Variants in RARB observed in about 807,000 individuals in gnomAD.
RARB encodes the protein retinoic acid receptor beta, also known as HBV-activated protein.
In RARB, 17 loss-of-function variants were observed where a neutral mutation model predicts 51.9. The ratio of observed to expected loss-of-function variants is 0.33; its 90% confidence interval spans 0.22 to 0.49. RARB has a LOEUF of 0.49. RARB is among the 20% of genes least tolerant of loss of function. RARB has a pLI of 0.99. For missense variants in RARB, 369 were observed against 550.8 expected (o/e 0.67, Z 3.30); for synonymous variants, 215 against 195.4 (o/e 1.10, Z -0.84).
At chr3:25,319,449 T>C (rs1704509008) in intron 5 of RARB, among the ~76,000 whole-genome samples, 1 of 152,204 alleles carries the variant, frequency 6.6e-6, no homozygotes. Flanking sequence ...AGCTGCATTA[T>C]GGGTAAGACT....
chr3:25,228,597 C>T (rs1372201264), intron 5 of RARB, among the ~76,000 whole-genome samples: 1 of 151,734 alleles, frequency 6.6e-6, no homozygotes, highest in Non-Finnish European at 1.5e-5. Context: ...TGTCTGTAGT[C>T]CTTTTTATTT....
At chr3:25,443,483 G>T (rs926289047) in intron 1 of RARB, among the ~76,000 whole-genome samples, 2 of 151,562 alleles carry the variant, frequency 1.3e-5, no homozygotes, top group Non-Finnish European at 2.9e-5. Flanking sequence ...AAGCTAAAGC[G>T]CGCCGGTAAT....
intron 5 of RARB, among the ~76,000 whole-genome samples, chr3:25,202,821 C>A (rs1187903979): frequency 1.3e-5 from 2 of 152,164 alleles, no homozygotes; most frequent in Non-Finnish European, 2.9e-5. Context: ...AATTTCTGTT[C>A]TTTTACTTTT....
intron 5 of RARB, among the ~76,000 whole-genome samples, chr3:25,419,147 C>A (rs543682149): frequency 6.6e-6 from 1 of 151,932 alleles, no homozygotes; most frequent in South Asian, 2.1e-4. Context: ...TTTAGCAAGG[C>A]CTATCTATTT....
chr3:25,404,677 G>A (rs543454549), intron 5 of RARB, among the ~76,000 whole-genome samples: 3 of 152,194 alleles, frequency 2.0e-5, no homozygotes, highest in South Asian at 2.1e-4. Flanking sequence ...GGAAGAAAAC[G>A]CCAACAAATT....
chr3:24,974,011 A>G (rs1266177129), intron 2 of RARB, among the ~76,000 whole-genome samples: 1 of 151,940 alleles, frequency 6.6e-6, no homozygotes, highest in East Asian at 1.9e-4. Flanking sequence ...GTGAAAGTGG[A>G]TATTCTTGTC....
At chr3:25,144,978 T>A (rs1337064330) in intron 4 of RARB, among the ~76,000 whole-genome samples, 3 of 152,174 alleles carry the variant, frequency 2.0e-5, no homozygotes, top group African/African-American at 7.2e-5. Flanking sequence ...GAATGCAGAT[T>A]GACTAGAGAA....
chr3:25,313,031 A>T (rs907204816), intron 5 of RARB, among the ~76,000 whole-genome samples: 2 of 152,224 alleles, frequency 1.3e-5, no homozygotes, highest in African/African-American at 4.8e-5. Flanking sequence ...ACTTCTAGCC[A>T]TTTGAATGTG....
intron 5 of RARB, among the ~76,000 whole-genome samples, chr3:25,263,150 G>A (rs1256832435): frequency 6.6e-6 from 1 of 152,082 alleles, no homozygotes; most frequent in Non-Finnish European, 1.5e-5. Flanking sequence ...CCAATGTGAT[G>A]GTAGTCATGT....
intron 5 of RARB, among the ~76,000 whole-genome samples, chr3:25,337,508 C>G (rs1049574040): frequency 3.9e-5 from 6 of 152,172 alleles, no homozygotes; most frequent in African/African-American, 1.4e-4. Context: ...CTACTCAGGA[C>G]AGTCAACTTC....
chr3:25,260,279 T>C (rs933245254), intron 5 of RARB, among the ~76,000 whole-genome samples: 6 of 152,232 alleles, frequency 3.9e-5, no homozygotes, highest in East Asian at 1.9e-4. Context: ...GTATTTTGTA[T>C]AGAATAAGAA....
At chr3:25,330,699 A>G (rs1326774662) in intron 5 of RARB, among the ~76,000 whole-genome samples, 2 of 152,240 alleles carry the variant, frequency 1.3e-5, no homozygotes, top group African/African-American at 4.8e-5. Flanking sequence ...AAATGCTCCA[A>G]TTAAAAGACA....
At chr3:24,958,259 T>TGTTTTTTTTG in intron 2 of RARB, among the ~76,000 whole-genome samples, 1 of 75,100 alleles carries the variant, frequency 1.3e-5, no homozygotes, top group Non-Finnish European at 2.5e-5. Context: ...GCTCAGGTTT[T>TGTTTTTTTTG]TTTTTTTTTT....
chr3:25,265,583 C>A (rs1190728832), intron 5 of RARB, among the ~76,000 whole-genome samples: 1 of 152,120 alleles, frequency 6.6e-6, no homozygotes, highest in Non-Finnish European at 1.5e-5. Context: ...AGTAATCCTC[C>A]CACTTCAGCC....
chr3:25,039,746 A>G (rs1698074985), intron 2 of RARB, among the ~76,000 whole-genome samples: 1 of 152,216 alleles, frequency 6.6e-6, no homozygotes, highest in Non-Finnish European at 1.5e-5. Flanking sequence ...TTGGATTCCC[A>G]TTCCTGTTAG....
At chr3:25,470,619 C>A (rs1401823647) in intron 2 of RARB, among the ~76,000 whole-genome samples, 1 of 152,146 alleles carries the variant, frequency 6.6e-6, no homozygotes, top group Non-Finnish European at 1.5e-5. Context: ...GGAAATCTAT[C>A]CATTCTGTTA....
chr3:25,093,132 G>A (rs190924182), intron 3 of RARB, among the ~76,000 whole-genome samples: 84 of 152,180 alleles, frequency 5.5e-4, no homozygotes, highest in Non-Finnish European at 7.5e-4. Context: ...CAGTGGACAC[G>A]TTGCTCATGA....
chr3:24,993,631 A>G lies in RARB; in HGVS notation c.-379-66494A>G, dbSNP rs140323715. ...ATTTGTTCTATTTAGCTGTAATTTT[A>G]TATCCTTGAACAAATCTGTCCCTAT... is the stretch of plus-strand genomic sequence containing the variant. On this transcript the variant is annotated intron_variant, in intron 2 of 11. Transcript: ENST00000383772. 2.7e-3 allele frequency among the ~76,000 whole-genome samples: 408 copies of G among 152,200 alleles called. 1 individual carries two copies. The highest frequency in any genetic ancestry group is 9.6e-3 in the African/African-American group (397 of 41,538).
At chr3:25,181,686 T>A (rs1202200983) in intron 5 of RARB, among the ~76,000 whole-genome samples, 1 of 152,234 alleles carries the variant, frequency 6.6e-6, no homozygotes, top group Non-Finnish European at 1.5e-5. Context: ...AAATCATAAC[T>A]TCATTTTACA....
Sources: allele counts gnomAD v4.1 joint callset (sites outside exome capture counted in the v4.1 genomes callset), GRCh38; gene constraint gnomAD v4.1.1; transcripts MANE v1.5; gene names NCBI Gene and HGNC (gene_info 2026-07-23, HGNC 2026-07-21).